NDUFA11: variants seen among roughly 807,000 people sequenced by gnomAD.
NDUFA11 encodes the protein NADH:ubiquinone oxidoreductase subunit A11.
A neutral mutation model predicts 11.3 loss-of-function variants in NDUFA11; 14 were observed. The ratio of observed to expected loss-of-function variants is 1.24; its 90% CI spans 0.82 to 1.94. The LOEUF (loss-of-function observed/expected upper bound fraction) is 1.94. NDUFA11 is among the 30% of genes most tolerant of loss of function. The pLI is 0.00. For synonymous variants in NDUFA11, 87 were observed against 85.6 expected, an observed-to-expected ratio of 1.02 and a Z score of -0.09; for missense variants, 204 against 200.3, an observed-to-expected ratio of 1.02 and a Z score of -0.11.
downstream of NDUFA11, chr19:5,892,972 A>G: frequency 6.6e-7 from 1 of 1,508,686 alleles, no homozygotes; most frequent in Non-Finnish European, 8.8e-7. Flanking sequence ...TAGGGCTTGG[A>G]CAGGTGTCAG....
At chr19:5,901,243 T>G in intron 1 of NDUFA11, 1 of 1,161,084 alleles carries the variant, frequency 8.6e-7, no homozygotes, top group Non-Finnish European at 1.1e-6. Context: ...CTCTCTCACA[T>G]GAACACCAAC....
intron 1 of NDUFA11, among the ~76,000 whole-genome samples, chr19:5,897,474 T>C (rs1259381603): frequency 1.3e-5 from 2 of 152,116 alleles, no homozygotes; most frequent in African/African-American, 2.4e-5. Flanking sequence ...TATTCTCCTG[T>C]GGGGCCCGGG....
intron 1 of NDUFA11, among the ~76,000 whole-genome samples, chr19:5,898,469 G>A (rs1459200632): frequency 3.3e-5 from 5 of 152,184 alleles, no homozygotes; most frequent in African/African-American, 4.8e-5. Flanking sequence ...GCACAGATGG[G>A]GAAACTGAGA....
chr19:5,899,310 T>C (rs1272877803), intron 1 of NDUFA11, among the ~76,000 whole-genome samples: 2 of 148,312 alleles, frequency 1.3e-5, no homozygotes, highest in Non-Finnish European at 3.0e-5. Context: ...CCACCACGCC[T>C]GGCTAATTTT....
At position 5,903,781 on chromosome 19, in the gene NDUFA11, C is replaced by A. The variant is rs2057661843; in HGVS notation, c.-73G>T. 1 of 1,470,040 alleles carries A rather than the reference C, an allele frequency of 6.8e-7. No individual in the cohort carries two copies. The highest frequency in any genetic ancestry group is 9.3e-7 in the Non-Finnish European group (1 of 1,073,814). 91.1% of individuals were successfully genotyped at this position (1,470,040 alleles called of 1,614,324 possible). On this transcript the variant is annotated 5_prime_UTR_variant, in exon 1 of 4. Coordinates refer to ENST00000308961, the MANE Select transcript of NDUFA11 (RefSeq NM_175614.5). ...CGCAAGGGCAGCCGCGGCTGGCTAT[C>A]GCGAGACTTCTCGGGCTGCGCGCGC...
chr19:5,896,686 CTGTGCA>C lies in NDUFA11; in HGVS notation c.191-117_191-112del. On this transcript the variant is annotated intron_variant, in intron 2 of 3. Coordinates refer to ENST00000308961, the MANE Select transcript of NDUFA11 (RefSeq NM_175614.5). The surrounding 1 kb of genome is among the most constrained non-coding windows in gnomAD (Gnocchi z 5.8). ...AGAGATGCCACGAGTCGGCTGCTCGCTGTGCATGGCAGCCTCCTGGCCCCAGTCCTG... is the reference window on the plus strand; with the variant it reads ...AGAGATGCCACGAGTCGGCTGCTCGCTGGCAGCCTCCTGGCCCCAGTCCTG... 6.8e-7 allele frequency: 1 copy of C among 1,474,026 alleles called. No homozygotes were observed. Among genetic ancestry groups the C allele is most frequent in the Non-Finnish European group, 9.3e-7 (1 of 1,080,780 alleles). 91.3% of individuals were successfully genotyped at this position (1,474,026 alleles called of 1,614,324 possible). A position where few individuals can be genotyped will look rare whatever the true frequency, so the allele number is the denominator to read the frequency against.
At chr19:5,897,983 C>T (rs990084238) in intron 1 of NDUFA11, among the ~76,000 whole-genome samples, 1 of 152,234 alleles carries the variant, frequency 6.6e-6, no homozygotes, top group African/African-American at 2.4e-5. Context: ...CCTACAGCCT[C>T]GAAACATAGC....
chr19:5,899,274 C>T (rs1335381944), intron 1 of NDUFA11, among the ~76,000 whole-genome samples: 3 of 150,766 alleles, frequency 2.0e-5, no homozygotes, highest in Non-Finnish European at 3.0e-5. Context: ...CTCAGCCTCC[C>T]GAGTAGCTGG....
chr19:5,893,817 G>A (rs981345192), downstream of NDUFA11, among the ~76,000 whole-genome samples: 2 of 152,184 alleles, frequency 1.3e-5, no homozygotes, highest in African/African-American at 2.4e-5. The surrounding 1 kb of genome is among the most constrained non-coding windows in gnomAD (Gnocchi z 4.1). Flanking sequence ...AGATGGGGCC[G>A]GATACGGGTC....
chr19:5,895,110 T>TC, intron 3 of NDUFA11: 1 of 508,576 alleles, frequency 2.0e-6, no homozygotes, highest in Non-Finnish European at 3.6e-6. Context: ...CACACTGACT[T>TC]CCCCCTGCGA....
At chr19:5,897,651 G>A (rs1054209857) in intron 1 of NDUFA11, among the ~76,000 whole-genome samples, 1 of 152,210 alleles carries the variant, frequency 6.6e-6, no homozygotes, top group African/African-American at 2.4e-5. Context: ...CGCCACTCCG[G>A]TCAGCTTTTC....
At chr19:5,901,378 C>G (rs2057644380) in intron 1 of NDUFA11, 4 of 1,287,172 alleles carry the variant, frequency 3.1e-6, no homozygotes, top group Non-Finnish European at 4.0e-6. Context: ...AGGAGCAGGT[C>G]AGCCGACCTG....
chr19:5,894,431 C>T (rs948203620), downstream of NDUFA11, among the ~76,000 whole-genome samples: 7 of 152,186 alleles, frequency 4.6e-5, no homozygotes, highest in African/African-American at 1.7e-4. Context: ...CCTGCCCTGC[C>T]CTGGGAACTG....
chr19:5,899,400 C>T (rs1331089602), intron 1 of NDUFA11, among the ~76,000 whole-genome samples: 5 of 149,204 alleles, frequency 3.4e-5, no homozygotes, highest in African/African-American at 7.4e-5. Flanking sequence ...CCGCCCGCCT[C>T]GGCCTCCCAA....
In NDUFA11 at chr19:5,896,915, C is replaced by T. The variant is rs745800175; in HGVS notation, c.180G>A (p.Thr60=). The T allele has an allele frequency of 1.1e-5, 17 of 1,613,656 alleles. No individual in the cohort carries two copies. The highest frequency in any genetic ancestry group is 4.5e-5 in the East Asian group (2 of 44,876). Residue 60 remains threonine, a synonymous_variant, in exon 2 of 4, where the codon ACG becomes ACA. Coordinates refer to ENST00000308961, the MANE Select transcript of NDUFA11 (RefSeq NM_175614.5). The surrounding 1 kb of genome is among the most constrained non-coding windows in gnomAD (Gnocchi z 5.8). ...LEGVAKVGQY[T]FTAAAVGAVF... is the part of the protein sequence containing the mutation. ...GCCCAGCGTGCTCACCTGCAGTGAA[C>T]GTGTATTGTCCAACCTTAGCCACTC...
rs537928502 is a variant in NDUFA11, at chr19:5,896,645, C to G, written c.191-70G>C. ...CAGGAGCCTCTTGGGCGCTCACTGCCAGTGTCTGGATGGAGAGAGATGCCA... is the reference window on the plus strand; with the variant it reads ...CAGGAGCCTCTTGGGCGCTCACTGCGAGTGTCTGGATGGAGAGAGATGCCA... On this transcript the variant is annotated intron_variant, in intron 2 of 3. Coordinates refer to ENST00000308961, the MANE Select transcript of NDUFA11 (RefSeq NM_175614.5). The surrounding 1 kb of genome is among the most constrained non-coding windows in gnomAD (Gnocchi z 5.8). 1.3e-6 allele frequency: 2 copies of G among 1,548,574 alleles called. No individual in the cohort carries two copies. The highest frequency in any genetic ancestry group is 1.7e-6 in the Non-Finnish European group (2 of 1,145,878).
chr19:5,900,791 A>ATG (rs2057640034), intron 1 of NDUFA11, among the ~76,000 whole-genome samples: 1 of 151,856 alleles, frequency 6.6e-6, no homozygotes, highest in Non-Finnish European at 1.5e-5. Flanking sequence ...GGTGGCAGGC[A>ATG]CCTGTAATCC....
chr19:5,900,894 G>A (rs2057640569), intron 1 of NDUFA11, among the ~76,000 whole-genome samples: 2 of 132,202 alleles, frequency 1.5e-5, no homozygotes, highest in African/African-American at 2.9e-5. Context: ...CTGGGTGACA[G>A]AATGAGACTC....
intron 1 of NDUFA11, among the ~76,000 whole-genome samples, chr19:5,897,413 C>T (rs932677418): frequency 1.3e-5 from 2 of 152,130 alleles, no homozygotes; most frequent in African/African-American, 4.8e-5. Flanking sequence ...AGCGGCGCCC[C>T]CCACGGGCCC....
Sources: gnomAD v4.1 joint callset for allele counts (sites outside exome capture counted in the v4.1 genomes callset) on GRCh38, gnomAD v4.1.1 for gene constraint, Gnocchi (gnomAD v3.1) non-coding constraint, MANE v1.5 for transcripts, NCBI Gene and HGNC (gene_info 2026-07-23, HGNC 2026-07-21) for gene names.